Variants in CCSER1 observed in about 807,000 individuals in gnomAD.
The protein encoded by CCSER1 is serine-rich coiled-coil domain-containing protein 1.
In CCSER1, 41 loss-of-function variants were observed where a neutral mutation model predicts 82.0. That is an observed-to-expected ratio of 0.50 (90% CI 0.39 to 0.65). The LOEUF (loss-of-function observed/expected upper bound fraction) is 0.65. CCSER1 is among the 30% of genes least tolerant of loss of function. CCSER1 has a pLI of 0.00. For synonymous variants in CCSER1, 414 were observed against 383.9 expected (o/e 1.08, Z -0.92); for missense variants, 1,119 against 1,064.2 (o/e 1.05, Z -0.72).
At chr4:91,192,273 A>G (rs559868403) in intron 10 of CCSER1, among the ~76,000 whole-genome samples, 74 of 151,970 alleles carry the variant, frequency 4.9e-4, no homozygotes, top group Non-Finnish European at 9.7e-4. Flanking sequence ...TCTCACCATA[A>G]TCTTACAATA....
chr4:90,554,387 G>T (rs1008628670), intron 5 of CCSER1, among the ~76,000 whole-genome samples: 2 of 152,210 alleles, frequency 1.3e-5, no homozygotes, highest in South Asian at 4.1e-4. Context: ...AAAAGAAAAA[G>T]AAGAAATGTT....
chr4:90,130,699 C>G (rs945165352), intron 1 of CCSER1, among the ~76,000 whole-genome samples: 39 of 152,168 alleles, frequency 2.6e-4, no homozygotes, highest in African/African-American at 9.2e-4. Context: ...CCTCGGCTCA[C>G]TGCAACCTCA....
rs980967058 is a variant in CCSER1, at chr4:91,600,404, G to A, written c.*1347G>A. On this transcript the variant is annotated 3_prime_UTR_variant, in exon 11 of 11. Transcript: ENST00000509176. ...CAGTTTTCTTATACACATCAGAGCT[G>A]TTAAGTACATCCACATTAGCCATAG... is the stretch of plus-strand genomic sequence containing the variant. 17 of 152,114 alleles carry A rather than the reference G, an allele frequency of 1.1e-4. No homozygotes were observed. The highest frequency in any genetic ancestry group is 4.1e-4 in the African/African-American group (17 of 41,426). The allele number at this position is 152,114 out of a possible 1,614,324, so 9.4% of individuals were successfully genotyped here.
intron 7 of CCSER1, among the ~76,000 whole-genome samples, chr4:90,738,158 A>G (rs1291013760): frequency 2.6e-5 from 4 of 152,068 alleles, no homozygotes; most frequent in Non-Finnish European, 5.9e-5. Flanking sequence ...ATGCTTGTGG[A>G]TATTCATCAG....
intron 10 of CCSER1, among the ~76,000 whole-genome samples, chr4:91,117,126 T>C (rs1177703400): frequency 5.3e-5 from 8 of 152,240 alleles, no homozygotes; most frequent in African/African-American, 1.7e-4. Context: ...AATCAGCCTT[T>C]AATGTTAAGC....
chr4:90,530,473 A>C (rs189901533), intron 5 of CCSER1, among the ~76,000 whole-genome samples: 2 of 152,144 alleles, frequency 1.3e-5, no homozygotes, highest in Admixed American at 6.5e-5. Flanking sequence ...AAGAAAAGGG[A>C]GTGTGGGCGT....
intron 10 of CCSER1, among the ~76,000 whole-genome samples, chr4:91,444,661 G>A (rs1027278445): frequency 6.6e-6 from 1 of 152,062 alleles, no homozygotes; most frequent in Admixed American, 6.5e-5. Flanking sequence ...TGTTGGCCAG[G>A]CTGGTCTCAA....
chr4:90,206,711 T>C (rs1317360892), intron 1 of CCSER1, among the ~76,000 whole-genome samples: 2 of 147,716 alleles, frequency 1.4e-5, no homozygotes, highest in South Asian at 2.2e-4. Flanking sequence ...CTATTAGGTC[T>C]GCTTGGTCCA....
intron 10 of CCSER1, among the ~76,000 whole-genome samples, chr4:91,402,550 C>G (rs1051091393): frequency 5.9e-5 from 9 of 152,076 alleles, no homozygotes; most frequent in African/African-American, 2.2e-4. Flanking sequence ...AGTCTTTAAT[C>G]CATCTTGAGT....
chr4:91,428,356 T>C (rs1754107878), intron 10 of CCSER1, among the ~76,000 whole-genome samples: 1 of 152,096 alleles, frequency 6.6e-6, no homozygotes, highest in Non-Finnish European at 1.5e-5. Flanking sequence ...TCACTTTTTA[T>C]GGACAACATT....
intron 10 of CCSER1, among the ~76,000 whole-genome samples, chr4:91,293,110 T>C (rs1743882494): frequency 6.6e-6 from 1 of 151,934 alleles, no homozygotes. Context: ...AAAGAATAAA[T>C]GTAAAATCTG....
At chr4:91,002,017 A>G (rs557143784) in intron 9 of CCSER1, among the ~76,000 whole-genome samples, 2 of 152,246 alleles carry the variant, frequency 1.3e-5, no homozygotes, top group Admixed American at 6.5e-5. Context: ...TATGAAGCTT[A>G]GTTTTGCTGG....
At chr4:91,383,226 A>T (rs1751046790) in intron 10 of CCSER1, among the ~76,000 whole-genome samples, 1 of 152,134 alleles carries the variant, frequency 6.6e-6, no homozygotes, top group Non-Finnish European at 1.5e-5. Flanking sequence ...TTAAGTTCAA[A>T]GGCCAAAAAG....
chr4:90,313,339 A>G (rs1310246191), intron 3 of CCSER1, among the ~76,000 whole-genome samples: 2 of 152,174 alleles, frequency 1.3e-5, no homozygotes, highest in African/African-American at 4.8e-5. Flanking sequence ...AAAATGCTGA[A>G]CATGAGGCTC....
intron 9 of CCSER1, among the ~76,000 whole-genome samples, chr4:90,939,489 C>A (rs1731343579): frequency 6.6e-6 from 1 of 152,112 alleles, no homozygotes; most frequent in Non-Finnish European, 1.5e-5. Context: ...GGCTACAAGG[C>A]ACTCATGAAT....
At chr4:90,762,552 A>AACAGTT (rs1750569444) in intron 7 of CCSER1, among the ~76,000 whole-genome samples, 1 of 152,092 alleles carries the variant, frequency 6.6e-6, no homozygotes, top group African/African-American at 2.4e-5. Flanking sequence ...TACCAACCAA[A>AACAGTT]ACAGTTCTCT....
At chr4:90,287,970 A>C (rs1026510907) in intron 1 of CCSER1, among the ~76,000 whole-genome samples, 4 of 151,822 alleles carry the variant, frequency 2.6e-5, no homozygotes, top group Admixed American at 2.0e-4. Flanking sequence ...ACAACAACAA[A>C]AAAAACCCTG....
At chr4:90,360,984 T>G (rs1745279934) in intron 3 of CCSER1, among the ~76,000 whole-genome samples, 1 of 152,200 alleles carries the variant, frequency 6.6e-6, no homozygotes, top group Admixed American at 6.5e-5. Context: ...ATGATATTAA[T>G]TTACATAATT....
At position 90,444,611 on chromosome 4, in the gene CCSER1, A is replaced by G. The variant is rs193207824; in HGVS notation, c.1604-23623A>G. On this transcript the variant is annotated intron_variant, in intron 4 of 10. Transcript: ENST00000509176. Reference sequence around the variant, plus strand: ...ACAATACTGCAGTTACTGTGATGTCATATTCTATGATGGCAGGTTAGTATT... The same window carrying G: ...ACAATACTGCAGTTACTGTGATGTCGTATTCTATGATGGCAGGTTAGTATT... 9.2e-5 allele frequency among the ~76,000 whole-genome samples: 14 copies of G among 152,204 alleles called. No individual in the cohort carries two copies. In the East Asian group the frequency reaches 2.7e-3, roughly 29 times the overall value.
Sources: allele counts gnomAD v4.1 joint callset (sites outside exome capture counted in the v4.1 genomes callset), GRCh38; gene constraint gnomAD v4.1.1; transcripts MANE v1.5; gene names NCBI Gene and HGNC (gene_info 2026-07-23, HGNC 2026-07-21).